The following CAMKMT variants were observed in gnomAD, a reference collection of about 807,000 sequenced individuals.
CAMKMT encodes the protein calmodulin-lysine N-methyltransferase, also known as CaM KMT.
CAMKMT carries 53 observed loss-of-function variants against 48.0 expected under a neutral mutation model. That is an observed-to-expected ratio of 1.10 (90% CI 0.89 to 1.39). CAMKMT has a LOEUF of 1.39. Among genes scored for constraint, CAMKMT ranks in the 40% most tolerant of loss-of-function variants. The pLI is 0.00. For synonymous variants in CAMKMT, 165 were observed against 152.3 expected (o/e 1.08, Z -0.61); for missense variants, 428 against 402.7 (o/e 1.06, Z -0.54).
At chr2:44,416,396 T>G (rs1372277459) in intron 3 of CAMKMT, among the ~76,000 whole-genome samples, 5 of 152,132 alleles carry the variant, frequency 3.3e-5, no homozygotes, top group South Asian at 2.1e-4. Flanking sequence ...ATGGAACATT[T>G]CTATCACCCC....
chr2:44,631,824 G>A (rs748937157), intron 3 of CAMKMT: 2 of 276,600 alleles, frequency 7.2e-6, no homozygotes, highest in East Asian at 6.0e-5. Flanking sequence ...TATTATTTCA[G>A]TTTTCTCTAC....
intron 3 of CAMKMT, among the ~76,000 whole-genome samples, chr2:44,391,410 A>T (rs1681328692): frequency 6.6e-6 from 1 of 152,040 alleles, no homozygotes; most frequent in Non-Finnish European, 1.5e-5. Context: ...TTGAACCCGA[A>T]TGCCTTTTAG....
rs991558071 is a variant in CAMKMT, at chr2:44,599,501, A to G, written c.377-104782A>G. 2.0e-4 allele frequency among the ~76,000 whole-genome samples: 31 copies of G among 152,212 alleles called. 1 individual carries two copies. Among genetic ancestry groups the G allele is most frequent in the African/African-American group, 7.2e-4 (30 of 41,496 alleles). ...TTTTCCTTTAGAGCCCATTTAATACATGCCCTGTTATTATTTTGTTTGATA... is the reference window on the plus strand; with the variant it reads ...TTTTCCTTTAGAGCCCATTTAATACGTGCCCTGTTATTATTTTGTTTGATA... On this transcript the variant is annotated intron_variant, in intron 3 of 10. Coordinates refer to ENST00000378494, the MANE Select transcript of CAMKMT (RefSeq NM_024766.5).
intron 3 of CAMKMT, among the ~76,000 whole-genome samples, chr2:44,530,208 C>G (rs1176067289): frequency 6.6e-6 from 1 of 152,090 alleles, no homozygotes; most frequent in South Asian, 2.1e-4. Flanking sequence ...TAGTATCATA[C>G]TTATGATTTA....
intron 7 of CAMKMT, among the ~76,000 whole-genome samples, chr2:44,743,298 G>T (rs1042555213): frequency 6.6e-5 from 10 of 152,062 alleles, no homozygotes; most frequent in Non-Finnish European, 1.5e-4. Flanking sequence ...GTTTCAATAT[G>T]TACCTTATTG....
Position 44,593,763 on chromosome 2 carries a change from C to CTT in CAMKMT, c.377-110504_377-110503dup, listed in dbSNP as rs61603790. On this transcript the variant is annotated intron_variant, in intron 3 of 10. Coordinates refer to ENST00000378494, the MANE Select transcript of CAMKMT (RefSeq NM_024766.5). ...GGGAATTTTTGAAAAAGACAACTTC[C>CTT]TTTTTTTTTTTTTTTTTGAGGCGGA... Among the ~76,000 whole-genome samples, 18 of 122,672 alleles carry CTT rather than the reference C, an allele frequency of 1.5e-4. 3 individuals are homozygous for CTT. Among genetic ancestry groups the CTT allele is most frequent in the African/African-American group, 2.2e-4 (7 of 31,922 alleles). The allele number at this position is 122,672 out of a possible 152,430, so 80.5% of individuals were successfully genotyped here.
At chr2:44,566,755 G>A (rs1026378447) in intron 3 of CAMKMT, among the ~76,000 whole-genome samples, 5 of 152,274 alleles carry the variant, frequency 3.3e-5, no homozygotes, top group East Asian at 3.9e-4. Context: ...GAGTGGATGC[G>A]TTTGAGGAAT....
chr2:44,757,711 G>A (rs1680439192), intron 9 of CAMKMT, among the ~76,000 whole-genome samples: 1 of 151,874 alleles, frequency 6.6e-6, no homozygotes, highest in African/African-American at 2.4e-5. Context: ...TTACAGACAC[G>A]CACCACCATG....
At position 44,376,530 on chromosome 2, in the gene CAMKMT, C is replaced by T. The variant is rs182344568; in HGVS notation, c.311+3642C>T. Among the ~76,000 whole-genome samples the T allele has an allele frequency of 3.5e-3, 540 of 152,136 alleles. 3 individuals carry two copies. Among genetic ancestry groups the T allele is most frequent in the African/African-American group, 0.013 (524 of 41,496 alleles). ...TCTTATCGCCTAAGATCACCTGCCA[C>T]AGCTTAACAGAGATAACACACACAG... On this transcript the variant is annotated intron_variant, in intron 2 of 10. Coordinates refer to ENST00000378494, the MANE Select transcript of CAMKMT (RefSeq NM_024766.5).
intron 3 of CAMKMT, among the ~76,000 whole-genome samples, chr2:44,432,820 G>A (rs561571087): frequency 1.3e-3 from 87 of 67,018 alleles, no homozygotes; most frequent in African/African-American, 6.7e-3. Flanking sequence ...AACTTTTCAT[G>A]TAAATTAAAA....
intron 3 of CAMKMT, among the ~76,000 whole-genome samples, chr2:44,436,752 A>T (rs551807703): frequency 3.9e-5 from 6 of 152,296 alleles, no homozygotes; most frequent in African/African-American, 1.4e-4. Flanking sequence ...TACAGTCAAC[A>T]ATAAAATAAC....
At chr2:44,491,957 T>G (rs1191070847) in intron 3 of CAMKMT, among the ~76,000 whole-genome samples, 1 of 152,222 alleles carries the variant, frequency 6.6e-6, no homozygotes, top group Non-Finnish European at 1.5e-5. Flanking sequence ...TATTACTGAT[T>G]TACCTTAAAT....
chr2:44,439,786 AAAAT>A (rs201288437), intron 3 of CAMKMT, among the ~76,000 whole-genome samples: 19,576 of 147,728 alleles, frequency 0.13, 1,622 homozygotes, highest in African/African-American at 0.22. Flanking sequence ...TCCATCTCAT[AAAAT>A]AAATAAATAA....
intron 3 of CAMKMT, among the ~76,000 whole-genome samples, chr2:44,680,834 GAGAA>G (rs1025131092): frequency 3.3e-5 from 5 of 152,278 alleles, no homozygotes; most frequent in African/African-American, 4.8e-5. Context: ...GTAAGGGAGA[GAGAA>G]AGAAAGAGAG....
intron 3 of CAMKMT, among the ~76,000 whole-genome samples, chr2:44,512,561 T>C (rs1052944422): frequency 1.3e-5 from 2 of 152,232 alleles, no homozygotes; most frequent in Non-Finnish European, 2.9e-5. Context: ...TCATTGTTGC[T>C]AGCCTTTCAA....
intron 3 of CAMKMT, among the ~76,000 whole-genome samples, chr2:44,478,376 T>A (rs2104672857): frequency 6.6e-6 from 1 of 152,342 alleles, no homozygotes; most frequent in African/African-American, 2.4e-5. Flanking sequence ...CATCAGTTGA[T>A]GGCATGTCTA....
At chr2:44,411,458 G>A (rs1227906864) in intron 3 of CAMKMT, among the ~76,000 whole-genome samples, 7 of 152,186 alleles carry the variant, frequency 4.6e-5, no homozygotes, top group Admixed American at 4.6e-4. Context: ...TTGGTCATAT[G>A]TTATCTCTAG....
intron 3 of CAMKMT, among the ~76,000 whole-genome samples, chr2:44,543,876 G>A (rs180960020): frequency 5.3e-5 from 8 of 152,236 alleles, no homozygotes; most frequent in South Asian, 2.1e-4. Context: ...GTTGACAGAT[G>A]TATTTAGAAA....
intron 3 of CAMKMT, among the ~76,000 whole-genome samples, chr2:44,590,627 G>C (rs981579378): frequency 6.6e-6 from 1 of 152,006 alleles, no homozygotes; most frequent in Non-Finnish European, 1.5e-5. Flanking sequence ...TTGCAAATTT[G>C]AGTTCATTGT....
Sources: allele counts gnomAD v4.1 joint callset (sites outside exome capture counted in the v4.1 genomes callset), GRCh38; gene constraint gnomAD v4.1.1; transcripts MANE v1.5; gene names NCBI Gene and HGNC (gene_info 2026-07-23, HGNC 2026-07-21).